KLRD1: variants seen among roughly 807,000 people sequenced by gnomAD.
KLRD1 encodes the protein natural killer cells antigen CD94.
Under a neutral mutation model 22.6 loss-of-function variants are expected in KLRD1, and 21 were observed. The ratio of observed to expected loss-of-function variants is 0.93; its 90% CI spans 0.66 to 1.34. KLRD1 has a LOEUF of 1.34. Ranked by LOEUF, KLRD1 falls within the 40% of genes most tolerant of loss-of-function variation. The pLI is 0.00. For missense variants in KLRD1, 183 were observed against 208.6 expected, an observed-to-expected ratio of 0.88 and a Z score of 0.76; for synonymous variants, 59 against 71.1, an observed-to-expected ratio of 0.83 and a Z score of 0.85.
At chr12:10,272,495 AAGAAG>A in intron 1 of KLRD1, among the ~76,000 whole-genome samples, 1 of 152,174 alleles carries the variant, frequency 6.6e-6, no homozygotes, top group East Asian at 1.9e-4. Context: ...TTCTCATCAA[AAGAAG>A]AGATGATTTA....
upstream of KLRD1, among the ~76,000 whole-genome samples, chr12:10,302,055 A>AT (rs1418706349): frequency 6.6e-6 from 1 of 152,208 alleles, no homozygotes; most frequent in African/African-American, 2.4e-5. Flanking sequence ...CAATTACAAA[A>AT]TTGACATCAA....
At chr12:10,272,000 G>A (rs1303149440) in intron 1 of KLRD1, among the ~76,000 whole-genome samples, 1 of 152,104 alleles carries the variant, frequency 6.6e-6, no homozygotes, top group Non-Finnish European at 1.5e-5. Flanking sequence ...CTCAATATGT[G>A]TTTTTCTTTA....
chr12:10,286,013 T>C (rs926360890), intron 1 of KLRD1, among the ~76,000 whole-genome samples: 1 of 152,182 alleles, frequency 6.6e-6, no homozygotes, highest in Non-Finnish European at 1.5e-5. Context: ...TGCAACAGCA[T>C]CTTACTGTTT....
intron 1 of KLRD1, among the ~76,000 whole-genome samples, chr12:10,286,909 AGG>A (rs1481829971): frequency 2.6e-5 from 4 of 151,982 alleles, no homozygotes; most frequent in Admixed American, 2.6e-4. Context: ...GAGGCGAGGC[AGG>A]GGGATCACCT....
At chr12:10,246,989 G>A (rs866996379) in intron 1 of KLRD1, among the ~76,000 whole-genome samples, 1 of 140,424 alleles carries the variant, frequency 7.1e-6, no homozygotes, top group Non-Finnish European at 1.5e-5. Context: ...CTGGAGTGCC[G>A]TGGCACGATC....
At chr12:10,239,555 C>CTT (rs1268260816) in intron 1 of KLRD1, among the ~76,000 whole-genome samples, 10 of 120,756 alleles carry the variant, frequency 8.3e-5, no homozygotes, top group African/African-American at 3.9e-4. Context: ...TTCTTTCTTT[C>CTT]TTTCTTTCTT....
intron 1 of KLRD1, among the ~76,000 whole-genome samples, chr12:10,242,093 G>GTTTTT (rs1288735336): frequency 6.8e-5 from 1 of 14,602 alleles, no homozygotes; most frequent in African/African-American, 1.0e-4. Context: ...TTTTTTTTCA[G>GTTTTT]AGAAGAGTGA....
intron 1 of KLRD1, among the ~76,000 whole-genome samples, chr12:10,268,453 G>A (rs958537097): frequency 7.9e-5 from 12 of 152,198 alleles, no homozygotes; most frequent in African/African-American, 2.4e-4. Context: ...GGCTTGAAAA[G>A]TGGACCTGGA....
intron 3 of KLRD1, among the ~76,000 whole-genome samples, chr12:10,309,903 ATAG>A (rs1329786092): frequency 5.3e-5 from 8 of 152,232 alleles, no homozygotes; most frequent in Admixed American, 3.9e-4. Context: ...AATCAGGAAA[ATAG>A]TAGCCTGAAA....
rs1247815197 is a variant in KLRD1 at position 10,325,399 on chromosome 12, T to C, written c.*10606T>C. On this transcript the variant is annotated 3_prime_UTR_variant, in exon 6 of 6. Coordinates refer to ENST00000336164, the MANE Select transcript of KLRD1 (RefSeq NM_002262.5). ...AAATACAACATAAGATCTATCCTCT[T>C]AACAAATTTTCAAGTCTACAGTACA... is the stretch of plus-strand genomic sequence containing the variant. 6.6e-6 allele frequency: 1 copy of C among 152,172 alleles called. No individual in the cohort carries two copies. The highest frequency in any genetic ancestry group is 2.4e-5 in the African/African-American group (1 of 41,458). 9.4% of individuals were successfully genotyped at this position (152,172 alleles called of 1,614,324 possible).
chr12:10,254,173 A>G (rs1390440632), intron 1 of KLRD1, among the ~76,000 whole-genome samples: 1 of 152,180 alleles, frequency 6.6e-6, no homozygotes. Context: ...TCACGCCTGT[A>G]ATCCCAGCAC....
chr12:10,321,276 G>A lies in KLRD1; in HGVS notation c.*6483G>A, dbSNP rs943048963. ...ATAAGGGAAGGAAATCTCTAGTATT[G>A]TTAATTTCACAAGCCTTCACATGGA... On this transcript the variant is annotated 3_prime_UTR_variant, in exon 6 of 6. Coordinates refer to ENST00000336164, the MANE Select transcript of KLRD1 (RefSeq NM_002262.5). 6.6e-6 allele frequency: 1 copy of A among 152,148 alleles called. No homozygotes were observed. Among genetic ancestry groups the A allele is most frequent in the Non-Finnish European group, 1.5e-5 (1 of 68,018 alleles). 9.4% of individuals were successfully genotyped at this position (152,148 alleles called of 1,614,324 possible).
rs143901270 is a variant in KLRD1, at chr12:10,285,051, T to A, written c.-100-22927T>A. The stretch of plus-strand genomic sequence containing the variant: ...GTTTCCACTTAAAAGTTTTTAGATG[T>A]ATGGTGAGAGAACTATATATAAAAG... On this transcript the variant is annotated intron_variant, in intron 1 of 5. Coordinates refer to the KLRD1 transcript ENST00000544747. 2.2e-3 allele frequency among the ~76,000 whole-genome samples: 337 copies of A among 152,308 alleles called. 2 individuals are homozygous for A. The highest frequency in any genetic ancestry group is 7.8e-3 in the African/African-American group (324 of 41,576).
At chr12:10,284,949 C>A (rs1949686588) in intron 1 of KLRD1, among the ~76,000 whole-genome samples, 2 of 151,560 alleles carry the variant, frequency 1.3e-5, no homozygotes, top group Non-Finnish European at 2.9e-5. Flanking sequence ...CCATTGCACT[C>A]CAGCCTGGGC....
chr12:10,278,718 TAA>T (rs1471349047), intron 1 of KLRD1, among the ~76,000 whole-genome samples: 1 of 152,206 alleles, frequency 6.6e-6, no homozygotes, highest in Non-Finnish European at 1.5e-5. Flanking sequence ...GCCACTTAAG[TAA>T]AGTTATTTGC....
chr12:10,287,770 C>T (rs1345824170), intron 1 of KLRD1, among the ~76,000 whole-genome samples: 1 of 151,936 alleles, frequency 6.6e-6, no homozygotes, highest in Non-Finnish European at 1.5e-5. Flanking sequence ...CGGATTTTTA[C>T]CTCTGTAAGA....
intron 1 of KLRD1, among the ~76,000 whole-genome samples, chr12:10,296,189 T>A (rs1949819499): frequency 6.6e-6 from 1 of 152,152 alleles, no homozygotes; most frequent in Non-Finnish European, 1.5e-5. Context: ...ACAGTGTCCA[T>A]GAAATGAGAT....
At position 10,309,437 on chromosome 12, in the gene KLRD1, A is replaced by G. The variant is rs1319531098; in HGVS notation, c.57A>G (p.Ile19Met). The G allele has an allele frequency of 2.6e-6, 4 of 1,555,428 alleles. No individual in the cohort carries two copies. Among genetic ancestry groups the G allele is most frequent in the African/African-American group, 2.7e-5 (2 of 73,956 alleles). ...TAATTTCTGGGACCTTAGGGATAATATGCCTTTCGTTGATGTCTACGTTGG... is the reference window on the plus strand; with the variant it reads ...TAATTTCTGGGACCTTAGGGATAATGTGCCTTTCGTTGATGTCTACGTTGG... ...WRLISGTLGI[I>M]CLSLMSTLGI... Residue 19 changes from isoleucine to methionine, a missense_variant, in exon 2 of 6, where the codon ATA becomes ATG. Transcript: ENST00000336164.
intron 1 of KLRD1, among the ~76,000 whole-genome samples, chr12:10,276,318 T>A (rs754798942): frequency 3.3e-5 from 5 of 152,160 alleles, no homozygotes; most frequent in Non-Finnish European, 7.4e-5. Context: ...TTTGTTTGTT[T>A]GGATATTTAG....
Sources: gnomAD v4.1 joint callset for allele counts (sites outside exome capture counted in the v4.1 genomes callset) on GRCh38, gnomAD v4.1.1 for gene constraint, MANE v1.5 for transcripts, NCBI Gene and HGNC (gene_info 2026-07-23, HGNC 2026-07-21) for gene names.